INPPL1: variants seen among roughly 807,000 people sequenced by gnomAD.
INPPL1 encodes phosphatidylinositol 3,4,5-trisphosphate 5-phosphatase 2.
Under a neutral mutation model 139.3 loss-of-function variants are expected in INPPL1, and 91 were observed. The ratio of observed to expected loss-of-function variants is 0.65; its 90% CI spans 0.55 to 0.78. INPPL1 has a LOEUF of 0.78. INPPL1 is among the 30% of genes least tolerant of loss of function. The pLI is 0.00. For synonymous variants in INPPL1, 719 were observed against 686.6 expected (o/e 1.05, Z -0.74); for missense variants, 1,411 against 1,665.6 (o/e 0.85, Z 2.66).
At chr11:72,232,551 C>A in intron 14 of INPPL1, 75 bp from the exon 15 acceptor site, 1 of 1,552,836 alleles carries the variant, frequency 6.4e-7, no homozygotes. Flanking sequence ...AGACTTCTTC[C>A]CTTTATGCCT....
intron 1 of INPPL1, 140 bp downstream of exon 1, chr11:72,225,306 C>CT: frequency 1.6e-6 from 2 of 1,222,424 alleles, no homozygotes; most frequent in Non-Finnish European, 2.0e-6. Context: ...GGAGCCTTGG[C>CT]TTTCTCCTGG....
At position 72,232,342 on chromosome 11, in the gene INPPL1, G is replaced by A; in HGVS notation, c.1712+6G>A. The A allele has an allele frequency of 6.4e-7, 1 of 1,550,930 alleles. No homozygotes were observed. The highest frequency in any genetic ancestry group is 8.7e-7 in the Non-Finnish European group (1 of 1,146,354). On this transcript the variant is annotated splice_donor_region_variant and intron_variant, in intron 14 of 27. Transcript: ENST00000298229. ...GGAAATGAGAAGACGGCTCGGTGAG[G>A]GGGCGCCTTTCCCATGGTCTCTTTA...
At chr11:72,233,604 C>T (rs773917529) in intron 18 of INPPL1, 51 bp from the exon 19 acceptor site, 42 of 1,605,816 alleles carry the variant, frequency 2.6e-5, no homozygotes, top group South Asian at 5.5e-5. Context: ...AGGTGGGAGC[C>T]GAGGGTGGGA....
Position 72,234,524 on chromosome 11 carries a change from C to CCCCA in INPPL1, c.2327-3_2327-2insCCCA. 6.2e-7 allele frequency: 1 copy of CCCCA among 1,610,020 alleles called. No individual in the cohort carries two copies. The highest frequency in any genetic ancestry group is 8.5e-7 in the Non-Finnish European group (1 of 1,176,396). ...AGTTGGGTGTCTCCCACCCCCACCC[C>CCCCA]AGAATACAAGAAGAGCTTTGAGAAT... On this transcript the variant is annotated splice_polypyrimidine_tract_variant and splice_region_variant and intron_variant, in intron 20 of 27. Transcript: ENST00000298229. This position sits in a 1 kb window ranked among gnomAD's most constrained non-coding sequence, Gnocchi z 4.2.
At chr11:72,225,432 T>C (rs1948643363) in intron 1 of INPPL1, 1 of 985,300 alleles carries the variant, frequency 1.0e-6, no homozygotes, top group Non-Finnish European at 1.2e-6. Context: ...GACGAAAAAT[T>C]CGGGCATTCC....
Position 72,228,834 on chromosome 11 carries a change from C to T in INPPL1, c.505C>T (p.Pro169Ser), listed in dbSNP as rs201929168. Residue 169 changes from proline (P) to serine (S), a missense_variant, in exon 4 of 28, where the codon CCA (proline) becomes TCA (serine). Pro to Ser is a moderately conservative substitution (Grantham distance 74). This residue lies in a region of INPPL1 where 504 missense variants were observed against 595.6 expected (regional missense o/e 0.85). Coordinates refer to ENST00000298229, the MANE Select transcript of INPPL1 (RefSeq NM_001567.4). The surrounding 1 kb of genome is among the most constrained non-coding windows in gnomAD (Gnocchi z 5.0). ...GCCAGCTCCTGAGACTCCCACAGCT[C>T]CAGCTGCTGAGAGGTGAGACCCCCA... The part of the protein sequence containing the change: ...PLPAPETPTA[P>S]AAESAPNGLS... The T allele has an allele frequency of 6.2e-7, 1 of 1,608,140 alleles. No homozygotes were observed. The highest frequency in any genetic ancestry group is 1.3e-5 in the African/African-American group (1 of 74,868).
chr11:72,230,234 C>T lies in INPPL1; in HGVS notation c.1053C>T (p.Asp351=). Residue 351 remains aspartate, a synonymous_variant, in exon 9 of 28, where the codon GAC becomes GAT. Transcript: ENST00000298229. ...TGGTGCTGCTGCGGAGACAGCGGGA[C>T]TCCCAGGAGGACTGGACCACCTTCA... ...GRLVLLRRQR[D]SQEDWTTFTH... 3 of 1,610,338 alleles carry T rather than the reference C, an allele frequency of 1.9e-6. No individual in the cohort carries two copies. The highest frequency in any genetic ancestry group is 2.5e-6 in the Non-Finnish European group (3 of 1,177,622).
chr11:72,223,802 GGGTGAGGCGAGGCGC>G (rs1948585466), upstream of INPPL1: 1 of 150,718 alleles, frequency 6.6e-6, no homozygotes, highest in Non-Finnish European at 1.5e-5. Flanking sequence ...GCGCGGGGCG[GGGTGAGGCGAGGCGC>G]GGTGCTGCCC....
chr11:72,231,203 A>G lies in INPPL1; in HGVS notation c.1497+14A>G. ...GATTACCGCCCGGTGAGGGGGGGTCATCTTGTCCAGGACCCTGTCCTCACA... is the reference window on the plus strand; with the variant it reads ...GATTACCGCCCGGTGAGGGGGGGTCGTCTTGTCCAGGACCCTGTCCTCACA... On this transcript the variant is annotated intron_variant, in intron 12 of 27. Transcript: ENST00000298229. 1.2e-6 allele frequency: 2 copies of G among 1,604,142 alleles called. No individual in the cohort carries two copies. Among genetic ancestry groups the G allele is most frequent in the Non-Finnish European group, 1.7e-6 (2 of 1,176,844 alleles).
chr11:72,233,228 T>C (rs2135435081), intron 17 of INPPL1, 65 bp downstream of exon 17: 1 of 1,451,736 alleles, frequency 6.9e-7, no homozygotes, highest in Admixed American at 1.8e-5. Context: ...AGAATTTGGG[T>C]CAAGGGTATG....
rs1253875635 is a variant in INPPL1, at chr11:72,231,170, C to T, written c.1478C>T (p.Thr493Met). Residue 493 changes from threonine to methionine, a missense_variant, in exon 12 of 28, where the codon ACG becomes ATG. Physicochemically the swap from Thr to Met is moderately conservative, Grantham distance 81 (BLOSUM62 -1). Coordinates refer to ENST00000298229, the MANE Select transcript of INPPL1 (RefSeq NM_001567.4). ...DLLRGGLKELTDLDYRPIAMQ... is the reference protein window; with the variant it reads ...DLLRGGLKELMDLDYRPIAMQ... ...CTGCGCGGGGGCCTCAAGGAGCTTA[C>T]GGATCTGGATTACCGCCCGGTGAGG... 20 of 1,612,612 alleles carry T rather than the reference C, an allele frequency of 1.2e-5. No homozygotes were observed. The highest frequency in any genetic ancestry group is 2.7e-5 in the African/African-American group (2 of 74,910).
rs756299181 is a variant in INPPL1, at chr11:72,235,312, A to T, written c.2520A>T (p.Ala840=). 5 of 1,613,940 alleles carry T rather than the reference A, an allele frequency of 3.1e-6. No homozygotes were observed. In the South Asian group the frequency reaches 5.5e-5, roughly 18 times the overall value. ...GYESYGECVV[A]LKSMIGSTAQ... ...GCTCCTCAGGGGAGTGTGTGGTTGC[A>T]CTCAAATCCATGATCGGCAGCACGG... Residue 840 remains alanine (A), a synonymous_variant, in exon 23 of 28, where the codon GCA becomes GCT. Coordinates refer to ENST00000298229, the MANE Select transcript of INPPL1 (RefSeq NM_001567.4). This position sits in a 1 kb window ranked among gnomAD's most constrained non-coding sequence, Gnocchi z 4.9.
chr11:72,233,470 C>A lies in INPPL1; in HGVS notation c.2070C>A (p.Asp690Glu), dbSNP rs112721877. 6.2e-7 allele frequency: 1 copy of A among 1,614,184 alleles called. No homozygotes were observed. The highest frequency in any genetic ancestry group is 2.2e-5 in the East Asian group (1 of 44,880). ...GGACCAATGTGCCCTCATGGTGTGA[C>A]CGGATTCTGTGGAAATCCTACCCTG... Reference protein sequence around the residue: ...GVRTNVPSWCDRILWKSYPET... With the variant: ...GVRTNVPSWCERILWKSYPET... The change falls in exon 18 of 28, where the codon GAC (aspartate) becomes GAA (glutamate). Residue 690 changes from aspartate (D) to glutamate (E), a missense_variant. Coordinates refer to ENST00000298229, the MANE Select transcript of INPPL1 (RefSeq NM_001567.4).
chr11:72,233,301 A>G (rs1948889106), intron 17 of INPPL1, 138 bp downstream of exon 17: 4 of 1,038,928 alleles, frequency 3.9e-6, no homozygotes, highest in Non-Finnish European at 5.8e-6. Flanking sequence ...GATCCTGGGT[A>G]TTTTGAGGAT....
intron 14 of INPPL1, 32 bp downstream of exon 14, chr11:72,232,368 C>A: frequency 6.5e-7 from 1 of 1,526,928 alleles, no homozygotes; most frequent in East Asian, 2.5e-5. Context: ...GGTCTCTTTA[C>A]ACCCATCCCA....
In INPPL1 at chr11:72,234,314, A is replaced by G; in HGVS notation, c.2246A>G (p.Glu749Gly). 3 of 1,613,928 alleles carry G rather than the reference A, an allele frequency of 1.9e-6. No individual in the cohort carries two copies. Among genetic ancestry groups the G allele is most frequent in the Non-Finnish European group, 2.5e-6 (3 of 1,179,952 alleles). ...AAGACTTCAGACCAGGCCTACATTG[A>G]GTTTGAGAGCATCGAGGCCATTGTG... ...LSKTSDQAYI[E>G]FESIEAIVKT... Residue 749 changes from glutamate (E) to glycine (G), a missense_variant, in exon 20 of 28, where the codon GAG becomes GGG. Transcript: ENST00000298229. This position sits in a 1 kb window ranked among gnomAD's most constrained non-coding sequence, Gnocchi z 4.2.
rs1170044302 is a variant in INPPL1 at position 72,232,510 on chromosome 11, G to C, written c.1713-116G>C. The C allele has an allele frequency of 2.9e-6, 4 of 1,369,842 alleles. No homozygotes were observed. The Admixed American group carries it at 5.9e-5, about 20-fold the overall frequency. The allele number at this position is 1,369,842 out of a possible 1,614,324, so 84.9% of individuals were successfully genotyped here. A position where few individuals can be genotyped will look rare whatever the true frequency, so the allele number is the denominator to read the frequency against. ...CCTGACCCTAACCTTGTCCCCAGGG[G>C]CCCGGATCTTTACCCCATCCCTGAC... On this transcript the variant is annotated intron_variant, in intron 14 of 27. Transcript: ENST00000298229.
In INPPL1 at chr11:72,237,680, C is replaced by T. The variant is rs757498981; in HGVS notation, c.3436C>T (p.Leu1146Phe). Residue 1146 changes from leucine to phenylalanine, a missense_variant, in exon 26 of 28, where the codon CTC becomes TTC. By Grantham distance (22) the Leu-to-Phe change is conservative. Transcript: ENST00000298229. ...APAGPARSAL[L>F]PGPLELQPPR... ...TGCTGGGCCTGCACGCTCAGCGCTC[C>T]TCCCAGGCCCCCTGGAGCTGCAGCC... 1 of 1,611,960 alleles carries T rather than the reference C, an allele frequency of 6.2e-7. No individual in the cohort carries two copies. Among genetic ancestry groups the T allele is most frequent in the Non-Finnish European group, 8.5e-7 (1 of 1,179,518 alleles).
rs1412581986 is a variant in INPPL1 at position 72,234,500 on chromosome 11, G to T, written c.2327-27G>T. ...AAAGGAAGCTGAGAGGTGGTGCTCA[G>T]TTGGGTGTCTCCCACCCCCACCCCA... is the stretch of plus-strand genomic sequence containing the variant. On this transcript the variant is annotated intron_variant, in intron 20 of 27. Transcript: ENST00000298229. This position sits in a 1 kb window ranked among gnomAD's most constrained non-coding sequence, Gnocchi z 4.2. 1 of 1,598,342 alleles carries T rather than the reference G, an allele frequency of 6.3e-7. No individual in the cohort carries two copies. Among genetic ancestry groups the T allele is most frequent in the South Asian group, 1.1e-5 (1 of 90,788 alleles).
Sources: allele counts gnomAD v4.1 joint callset, GRCh38; gene constraint gnomAD v4.1.1; regional missense constraint gnomAD v4.1.1; non-coding constraint Gnocchi (gnomAD v3.1); transcripts MANE v1.5; gene names NCBI Gene and HGNC (gene_info 2026-07-23, HGNC 2026-07-21).